Variants in CRIM1 observed in about 807,000 individuals in gnomAD.
CRIM1 encodes cysteine rich transmembrane BMP regulator 1.
Under a neutral mutation model 116.4 loss-of-function variants are expected in CRIM1, and 32 were observed. That is an observed-to-expected ratio of 0.27 (90% CI 0.21 to 0.37). The LOEUF (loss-of-function observed/expected upper bound fraction) is 0.37, where lower values mean the gene tolerates loss of function less well. CRIM1 is among the 10% of genes least tolerant of loss of function. The probability of loss-of-function intolerance (pLI) is 1.00; values close to 1 mark genes in which losing one functional copy is unlikely to be tolerated. For missense variants in CRIM1, 1,331 were observed against 1,354.8 expected (o/e 0.98, Z 0.28); for synonymous variants, 590 against 509.2 (o/e 1.16, Z -2.13).
At chr2:36,409,752 T>C (rs754400193) in intron 2 of CRIM1, among the ~76,000 whole-genome samples, 35 of 152,376 alleles carry the variant, frequency 2.3e-4, no homozygotes, top group Admixed American at 1.0e-3. Flanking sequence ...AATTGGCACT[T>C]CTTTGTTCTT....
At position 36,479,670 on chromosome 2, in the gene CRIM1, G is replaced by A; in HGVS notation, c.1348G>A (p.Gly450Arg). Reference sequence around the variant, plus strand: ...CTGCACAAACCCTGTGAAAGTGCCTGGGGAGTGTTGCCCTGTGTGCGAAGG... The same window carrying A: ...CTGCACAAACCCTGTGAAAGTGCCTAGGGAGTGTTGCCCTGTGTGCGAAGG... ...QTCTNPVKVP[G>R]ECCPVCEEPT... The change falls in exon 7 of 17, where the codon GGG (glycine) becomes AGG (arginine). Residue 450 changes from glycine to arginine, a missense_variant. Gly to Arg is a moderately radical substitution (Grantham distance 125, BLOSUM62 -2). Coordinates refer to ENST00000280527, the MANE Select transcript of CRIM1 (RefSeq NM_016441.3). 1.9e-6 allele frequency: 3 copies of A among 1,614,136 alleles called. No homozygotes were observed. The highest frequency in any genetic ancestry group is 2.2e-5 in the East Asian group (1 of 44,888).
chr2:36,418,882 T>G (rs1673834879), intron 2 of CRIM1, among the ~76,000 whole-genome samples: 1 of 152,146 alleles, frequency 6.6e-6, no homozygotes, highest in African/African-American at 2.4e-5. Context: ...TCTGTTAAAA[T>G]GAGATGATGG....
intron 1 of CRIM1, among the ~76,000 whole-genome samples, chr2:36,365,611 T>C (rs954625856): frequency 6.6e-6 from 1 of 152,126 alleles, no homozygotes; most frequent in African/African-American, 2.4e-5. Context: ...CTCTAGGGAG[T>C]CTTTGTGATA....
intron 8 of CRIM1, among the ~76,000 whole-genome samples, chr2:36,500,532 G>A (rs1356598917): frequency 6.6e-6 from 1 of 151,776 alleles, no homozygotes; most frequent in African/African-American, 2.4e-5. Context: ...TTTTTTAAAC[G>A]ATATAAATAC....
chr2:36,524,887 A>G (rs138149078), intron 13 of CRIM1, among the ~76,000 whole-genome samples: 144 of 152,164 alleles, frequency 9.5e-4, no homozygotes, highest in Middle Eastern at 6.8e-3. Flanking sequence ...ATTGGTGTAG[A>G]AAAAAAGGAC....
intron 1 of CRIM1, among the ~76,000 whole-genome samples, chr2:36,368,476 C>T (rs1669741030): frequency 6.6e-6 from 1 of 152,208 alleles, no homozygotes; most frequent in African/African-American, 2.4e-5. Context: ...TAGTATGAAC[C>T]TGCGGCTCTA....
chr2:36,392,009 C>A (rs1671650417), intron 1 of CRIM1, among the ~76,000 whole-genome samples: 1 of 152,156 alleles, frequency 6.6e-6, no homozygotes, highest in Admixed American at 6.5e-5. Flanking sequence ...TTTCAGCCCT[C>A]AATTATACAT....
Position 36,464,605 on chromosome 2 carries a change from G to A in CRIM1, c.941G>A (p.Arg314His), listed in dbSNP as rs570681090. ...EVGSTPRIVS[R>H]GDGTPGKCCD... is the part of the protein sequence containing the mutation. ...GGATCCACTCCCCGCATAGTCTCTC[G>A]TGGCGATGGGACACCTGGAAAGTGC... Residue 314 changes from arginine (R) to histidine (H), a missense_variant, in exon 5 of 17, where the codon CGT (arginine) becomes CAT (histidine). Arg to His is a conservative substitution (Grantham distance 29). This residue lies in a region of CRIM1 where 690 missense variants were observed against 676.0 expected (regional missense o/e 1.02). Coordinates refer to ENST00000280527, the MANE Select transcript of CRIM1 (RefSeq NM_016441.3). 62 of 1,614,112 alleles carry A rather than the reference G, an allele frequency of 3.8e-5. No homozygotes were observed. Among genetic ancestry groups the A allele is most frequent in the South Asian group, 1.6e-4 (15 of 91,076 alleles).
chr2:36,372,993 AT>A lies in CRIM1; in HGVS notation c.331+16371del, dbSNP rs530335750. The stretch of plus-strand genomic sequence containing the variant: ...CGTTAAAAATATTTTTAAAACTTTT[AT>A]ATGGCTTCATATAAAAAAAGCTTAA... On this transcript the variant is annotated intron_variant, in intron 1 of 16. Transcript: ENST00000280527. 1.3e-4 allele frequency among the ~76,000 whole-genome samples: 20 copies of A among 149,594 alleles called. No individual in the cohort carries two copies. The South Asian group carries it at 4.2e-3, about 32-fold the overall frequency.
chr2:36,548,995 T>G lies in CRIM1; in HGVS notation c.*294T>G. On this transcript the variant is annotated 3_prime_UTR_variant, in exon 17 of 17. Coordinates refer to ENST00000280527, the MANE Select transcript of CRIM1 (RefSeq NM_016441.3). ...ATATTTGGGGTGGGGACAGTGAGTT[T>G]GGATGGGGAAATGGGTGGGAGGGTG... 1 of 189,580 alleles carries G rather than the reference T, an allele frequency of 5.3e-6. No individual in the cohort carries two copies. The highest frequency in any genetic ancestry group is 1.1e-5 in the Non-Finnish European group (1 of 92,186). The allele number at this position is 189,580 out of a possible 1,614,324, so 11.7% of individuals were successfully genotyped here. A position where few individuals can be genotyped will look rare whatever the true frequency, so the allele number is the denominator to read the frequency against.
intron 7 of CRIM1, among the ~76,000 whole-genome samples, chr2:36,479,920 G>T (rs932527334): frequency 6.6e-6 from 1 of 152,166 alleles, no homozygotes; most frequent in Non-Finnish European, 1.5e-5. Context: ...AAATATGCGC[G>T]TCTGAATACT....
intron 7 of CRIM1, among the ~76,000 whole-genome samples, chr2:36,491,878 C>T (rs886519743): frequency 3.3e-5 from 5 of 152,066 alleles, no homozygotes; most frequent in Non-Finnish European, 7.4e-5. Context: ...TTCCTATGAA[C>T]ATTAGCAATA....
chr2:36,519,397 A>G (rs925224135), intron 12 of CRIM1, among the ~76,000 whole-genome samples: 1 of 152,134 alleles, frequency 6.6e-6, no homozygotes, highest in Non-Finnish European at 1.5e-5. Context: ...CTCATTCATT[A>G]ACTTAGGCCT....
chr2:36,451,748 A>G (rs1293772088), intron 4 of CRIM1, among the ~76,000 whole-genome samples: 1 of 152,196 alleles, frequency 6.6e-6, no homozygotes, highest in East Asian at 1.9e-4. Context: ...CGCAAGAGTC[A>G]GAGGCTGTCA....
At chr2:36,454,210 T>C (rs1484070139) in intron 4 of CRIM1, among the ~76,000 whole-genome samples, 1 of 152,160 alleles carries the variant, frequency 6.6e-6, no homozygotes, top group African/African-American at 2.4e-5. Context: ...GTACTTCTGG[T>C]GGGCTAACCT....
chr2:36,455,866 A>G (rs1479448953), intron 4 of CRIM1, among the ~76,000 whole-genome samples: 1 of 152,132 alleles, frequency 6.6e-6, no homozygotes, highest in Non-Finnish European at 1.5e-5. Context: ...GTTGGAAGGG[A>G]TGAGTCCCAG....
At chr2:36,528,822 T>G (rs1228255231) in intron 13 of CRIM1, among the ~76,000 whole-genome samples, 1 of 152,234 alleles carries the variant, frequency 6.6e-6, no homozygotes, top group Non-Finnish European at 1.5e-5. Context: ...TTGGAACTGG[T>G]CTAAAGTTAT....
chr2:36,383,776 G>A (rs1334858081), intron 1 of CRIM1, among the ~76,000 whole-genome samples: 1 of 152,174 alleles, frequency 6.6e-6, no homozygotes, highest in Non-Finnish European at 1.5e-5. Context: ...CACTATGGTA[G>A]TAGCAGCTTT....
intron 13 of CRIM1, 115 bp from the exon 14 acceptor site, chr2:36,537,237 A>G (rs1313487308): frequency 2.1e-6 from 2 of 969,148 alleles, no homozygotes; most frequent in Non-Finnish European, 3.1e-6. Flanking sequence ...ACCAAGTTCC[A>G]GAAGTCCTAA....
Sources: allele counts gnomAD v4.1 joint callset (sites outside exome capture counted in the v4.1 genomes callset), GRCh38; gene constraint gnomAD v4.1.1; regional missense constraint gnomAD v4.1.1; transcripts MANE v1.5; gene names NCBI Gene and HGNC (gene_info 2026-07-23, HGNC 2026-07-21).